PPP2R5E: variants seen among roughly 807,000 people sequenced by gnomAD.
PPP2R5E encodes serine/threonine-protein phosphatase 2A 56 kDa regulatory subunit epsilon isoform.
PPP2R5E carries 4 observed loss-of-function variants against 65.3 expected under a neutral mutation model. That is an observed-to-expected ratio of 0.06 (90% confidence interval 0.03 to 0.14). The LOEUF (loss-of-function observed/expected upper bound fraction) is 0.14, where lower values mean the gene tolerates loss of function less well. Ranked by LOEUF, PPP2R5E falls within the 10% of genes least tolerant of loss-of-function variation. The pLI is 1.00. For synonymous variants in PPP2R5E, 183 were observed against 187.4 expected (o/e 0.98, Z 0.19); for missense variants, 274 against 556.1 (o/e 0.49, Z 5.10).
intron 9 of PPP2R5E, 34 bp from the exon 10 acceptor site, chr14:63,391,901 A>T: frequency 6.2e-7 from 1 of 1,610,066 alleles, no homozygotes; most frequent in Admixed American, 1.7e-5. Context: ...AATGGCATTT[A>T]ACTTTTTCAT....
intron 2 of PPP2R5E, among the ~76,000 whole-genome samples, chr14:63,510,248 C>T (rs1319251459): frequency 6.6e-6 from 1 of 152,300 alleles, no homozygotes; most frequent in South Asian, 2.1e-4. Flanking sequence ...ACAGACCTCA[C>T]CTCACTTCTA....
chr14:63,446,709 G>A (rs1888496616), intron 3 of PPP2R5E, among the ~76,000 whole-genome samples: 1 of 151,380 alleles, frequency 6.6e-6, no homozygotes, highest in African/African-American at 2.4e-5. Flanking sequence ...GGCGCCTGTA[G>A]TCTCAGCTAC....
intron 6 of PPP2R5E, 35 bp from the exon 7 acceptor site, chr14:63,395,320 G>C: frequency 6.8e-7 from 1 of 1,470,608 alleles, no homozygotes; most frequent in Non-Finnish European, 9.5e-7. Flanking sequence ...GAGAAAGGAG[G>C]AGAGGAGGAG....
intron 2 of PPP2R5E, among the ~76,000 whole-genome samples, chr14:63,509,575 C>A (rs1320865653): frequency 1.3e-5 from 2 of 152,094 alleles, no homozygotes; most frequent in African/African-American, 2.4e-5. Flanking sequence ...CTGTGCCAGG[C>A]CTAATTTTAA....
chr14:63,405,518 T>C (rs887685672), intron 5 of PPP2R5E, among the ~76,000 whole-genome samples: 76 of 152,292 alleles, frequency 5.0e-4, no homozygotes, highest in South Asian at 2.1e-4. Flanking sequence ...TAACAGCAAA[T>C]GTGAAGTACA....
chr14:63,383,595 T>A (rs540321395), intron 12 of PPP2R5E, among the ~76,000 whole-genome samples: 1 of 152,192 alleles, frequency 6.6e-6, no homozygotes. Context: ...TTAGGCAAAT[T>A]TGAAAAATTA....
chr14:63,422,046 A>T lies in PPP2R5E; in HGVS notation c.403T>A (p.Phe135Ile). Reference sequence around the variant, plus strand: ...GTAGGTTCATCTTCTTCTGGATCAAATTCATTGCTGTCACTAGGAGGGAGA... The same window carrying T: ...GTAGGTTCATCTTCTTCTGGATCAATTTCATTGCTGTCACTAGGAGGGAGA... ...RTLPPSDSNE[F>I]DPEEDEPTLE... The change falls in exon 4 of 14, where the codon TTT (phenylalanine) becomes ATT (isoleucine). Residue 135 changes from phenylalanine (F) to isoleucine (I), a missense_variant. Physicochemically the swap from Phe to Ile is conservative, Grantham distance 21. This residue lies in a region of PPP2R5E where 51 missense variants were observed against 101.1 expected (regional missense o/e 0.50). Coordinates refer to ENST00000337537, the MANE Select transcript of PPP2R5E (RefSeq NM_006246.5). 1 of 1,613,936 alleles carries T rather than the reference A, an allele frequency of 6.2e-7. No individual in the cohort carries two copies. Among genetic ancestry groups the T allele is most frequent in the Non-Finnish European group, 8.5e-7 (1 of 1,179,780 alleles).
intron 2 of PPP2R5E, among the ~76,000 whole-genome samples, chr14:63,535,786 G>C (rs1893651632): frequency 6.6e-6 from 1 of 152,036 alleles, no homozygotes; most frequent in Non-Finnish European, 1.5e-5. Flanking sequence ...ACCCAATTTA[G>C]TCAAAGCAAT....
chr14:63,533,731 G>T (rs982050042), intron 2 of PPP2R5E, among the ~76,000 whole-genome samples: 3 of 152,126 alleles, frequency 2.0e-5, no homozygotes, highest in Non-Finnish European at 4.4e-5. Flanking sequence ...ACGCACCTGT[G>T]GTCAGGAGTT....
intron 13 of PPP2R5E, 34 bp from the exon 14 acceptor site, chr14:63,376,142 G>A (rs1883971258): frequency 7.2e-7 from 1 of 1,384,246 alleles, no homozygotes; most frequent in Non-Finnish European, 1.0e-6. Flanking sequence ...GTAAACAGCT[G>A]AGGTTTAATG....
At chr14:63,383,106 A>C (rs1405807946) in intron 12 of PPP2R5E, among the ~76,000 whole-genome samples, 1 of 152,184 alleles carries the variant, frequency 6.6e-6, no homozygotes, top group Non-Finnish European at 1.5e-5. Flanking sequence ...CTATACAGCT[A>C]AACAGCCAAA....
chr14:63,412,810 G>C (rs1001063507), intron 5 of PPP2R5E, among the ~76,000 whole-genome samples: 5 of 152,186 alleles, frequency 3.3e-5, no homozygotes, highest in Non-Finnish European at 7.3e-5. Flanking sequence ...CCTATTGTCT[G>C]ACCCCTGGCT....
intron 2 of PPP2R5E, among the ~76,000 whole-genome samples, chr14:63,493,521 G>A (rs1194188756): frequency 2.0e-5 from 3 of 151,234 alleles, no homozygotes; most frequent in Non-Finnish European, 2.9e-5. Flanking sequence ...GGAGGGGGAG[G>A]GGAGCAAAAG....
chr14:63,396,364 TG>T (rs1450802389), intron 6 of PPP2R5E, among the ~76,000 whole-genome samples: 1 of 69,420 alleles, frequency 1.4e-5, no homozygotes, highest in African/African-American at 6.0e-5. Context: ...GAGGAGAAGA[TG>T]GGGGAGGAGA....
At chr14:63,381,480 G>A (rs1884353463) in intron 13 of PPP2R5E, among the ~76,000 whole-genome samples, 1 of 152,122 alleles carries the variant, frequency 6.6e-6, no homozygotes, top group Non-Finnish European at 1.5e-5. Flanking sequence ...GTTAAATGCT[G>A]GGCTCTTAAC....
intron 3 of PPP2R5E, among the ~76,000 whole-genome samples, chr14:63,427,541 A>T (rs1022530294): frequency 1.3e-5 from 2 of 152,134 alleles, no homozygotes; most frequent in Admixed American, 1.3e-4. Flanking sequence ...CATGCCTGGG[A>T]GGCTAAGGCA....
At chr14:63,415,972 C>A (rs1886663268) in intron 4 of PPP2R5E, among the ~76,000 whole-genome samples, 1 of 152,196 alleles carries the variant, frequency 6.6e-6, no homozygotes, top group Non-Finnish European at 1.5e-5. Flanking sequence ...AATTTCTTTT[C>A]AGAAAGTTTA....
intron 2 of PPP2R5E, among the ~76,000 whole-genome samples, chr14:63,512,634 G>C (rs535394387): frequency 6.6e-6 from 1 of 152,094 alleles, no homozygotes; most frequent in African/African-American, 2.4e-5. Flanking sequence ...AAGATGACCA[G>C]TGTTAAGTTT....
intron 2 of PPP2R5E, among the ~76,000 whole-genome samples, chr14:63,524,726 G>C (rs1022378915): frequency 2.0e-5 from 3 of 152,134 alleles, no homozygotes; most frequent in African/African-American, 7.2e-5. Flanking sequence ...CTTGTGCCCA[G>C]CTCCCCGGCC....
Sources: gnomAD v4.1 joint callset for allele counts (sites outside exome capture counted in the v4.1 genomes callset) on GRCh38, gnomAD v4.1.1 for gene constraint, gnomAD v4.1.1 regional missense constraint, MANE v1.5 for transcripts, NCBI Gene and HGNC (gene_info 2026-07-23, HGNC 2026-07-21) for gene names.